MED16: variants seen among roughly 807,000 people sequenced by gnomAD.
MED16 encodes the protein mediator complex subunit 16, also known as mediator of RNA polymerase II transcription subunit 16.
MED16 carries 81 observed loss-of-function variants against 84.4 expected under a neutral mutation model. That is an observed-to-expected ratio of 0.96 (90% CI 0.80 to 1.15). The LOEUF is 1.15. MED16 is among the 50% of genes most tolerant of loss of function. The pLI, the probability that MED16 is intolerant of heterozygous loss-of-function variation, is 0.00. For missense variants in MED16, 1,585 were observed against 1,245.9 expected (o/e 1.27, Z -4.10); for synonymous variants, 897 against 552.2 (o/e 1.62, Z -8.76).
intron 8 of MED16, among the ~76,000 whole-genome samples, chr19:878,063 C>A (rs1270359421): frequency 6.6e-5 from 9 of 135,486 alleles, no homozygotes; most frequent in African/African-American, 2.2e-4. Context: ...GCTCGCCTTC[C>A]CCTGGCTGTC....
intron 1 of MED16, among the ~76,000 whole-genome samples, chr19:892,177 A>T (rs952912218): frequency 6.6e-6 from 1 of 152,046 alleles, no homozygotes; most frequent in Admixed American, 6.6e-5. Flanking sequence ...GGGAGCCTGG[A>T]ATCACCCGCA....
chr19:886,245 G>T (rs1378254756), intron 4 of MED16, 44 bp from the exon 5 acceptor site: 1 of 1,459,358 alleles, frequency 6.9e-7, no homozygotes, highest in Middle Eastern at 1.9e-4. Context: ...TCAGGCTCAT[G>T]GGGGCTGCCC....
At chr19:884,064 T>C (rs1568330414) in intron 6 of MED16, among the ~76,000 whole-genome samples, 1 of 152,120 alleles carries the variant, frequency 6.6e-6, no homozygotes, top group East Asian at 1.9e-4. Flanking sequence ...TGACACGTGC[T>C]CATTAGTGGC....
At chr19:890,036 C>G (rs2036602145) in intron 3 of MED16, 101 bp downstream of exon 3, 2 of 948,292 alleles carry the variant, frequency 2.1e-6, no homozygotes, top group African/African-American at 1.6e-5. Context: ...ACCAGGGGCT[C>G]TAGACCCAGC....
chr19:869,143 C>T (rs1714923265), intron 13 of MED16, among the ~76,000 whole-genome samples, 197 bp from the exon 14 acceptor site: 1 of 151,940 alleles, frequency 6.6e-6, no homozygotes, highest in African/African-American at 2.4e-5. Context: ...GGCGGGACCC[C>T]CCACACGGAG....
intron 6 of MED16, among the ~76,000 whole-genome samples, chr19:883,179 T>C (rs1003622645): frequency 1.3e-5 from 2 of 152,056 alleles, no homozygotes; most frequent in East Asian, 1.9e-4. Flanking sequence ...GCTAAGCTGC[T>C]AAGTGGGGAT....
At chr19:881,118 T>C (rs1345024355) in intron 7 of MED16, among the ~76,000 whole-genome samples, 1 of 151,588 alleles carries the variant, frequency 6.6e-6, no homozygotes, top group Non-Finnish European at 1.5e-5. Flanking sequence ...GGGCCTGAGC[T>C]AGGGCCGACT....
intron 14 of MED16, 130 bp from the exon 15 acceptor site, chr19:868,629 T>C: frequency 7.8e-7 from 1 of 1,279,394 alleles, no homozygotes; most frequent in Non-Finnish European, 1.1e-6. Flanking sequence ...CGTCCCCACC[T>C]GCCACAGGGC....
intron 13 of MED16, among the ~76,000 whole-genome samples, chr19:869,807 G>C (rs1316571156): frequency 6.6e-6 from 1 of 152,212 alleles, no homozygotes; most frequent in Non-Finnish European, 1.5e-5. Flanking sequence ...CAGAGGGTTT[G>C]CATGTGCTCC....
chr19:873,269 G>A (rs1314436504), intron 11 of MED16, among the ~76,000 whole-genome samples, 180 bp downstream of exon 11: 2 of 121,616 alleles, frequency 1.6e-5, no homozygotes, highest in Non-Finnish European at 3.3e-5. Context: ...CAGGGGCGGG[G>A]CTGAGGTGGG....
chr19:873,435 A>T lies in MED16; in HGVS notation c.1905+14T>A. ...CAGGTGGGGGGCGGGGCCTTAGGGG[A>T]GAGCATGGCGCACCTGGTTGGGTAG... On this transcript the variant is annotated intron_variant, in intron 11 of 15. Transcript: ENST00000325464. 6.2e-7 allele frequency: 1 copy of T among 1,604,164 alleles called. No homozygotes were observed. Among genetic ancestry groups the T allele is most frequent in the Non-Finnish European group, 8.5e-7 (1 of 1,179,160 alleles).
At chr19:878,779 G>A (rs2036334547) in intron 8 of MED16, among the ~76,000 whole-genome samples, 5 of 134,620 alleles carry the variant, frequency 3.7e-5, no homozygotes, top group Non-Finnish European at 6.1e-5. Flanking sequence ...TCCCCTGGTT[G>A]TCAATGCCCA....
intron 13 of MED16, among the ~76,000 whole-genome samples, chr19:870,283 C>T (rs1266348553): frequency 6.6e-6 from 1 of 152,090 alleles, no homozygotes; most frequent in Admixed American, 6.5e-5. Context: ...AAGGCAAGGC[C>T]GGGGCGGTGG....
chr19:880,170 T>A, intron 7 of MED16, 22 bp from the exon 8 acceptor site: 1 of 1,597,722 alleles, frequency 6.3e-7, no homozygotes, highest in South Asian at 1.1e-5. Context: ...AGGCACTGCT[T>A]AGACATGGGC....
Position 889,697 on chromosome 19 carries a change from G to C in MED16, c.388C>G (p.Pro130Ala). The C allele has an allele frequency of 6.2e-7, 1 of 1,613,856 alleles. No homozygotes were observed. Among genetic ancestry groups the C allele is most frequent in the Non-Finnish European group, 8.5e-7 (1 of 1,179,980 alleles). ...TGCAGCCAGGACAGGGCCACAATGG[G>C]GTCCCCCTCCACTAGGCTGCCCACT... Reference protein sequence around the residue: ...SSVGSLVEGDPIVALSWLHNG... With the variant: ...SSVGSLVEGDAIVALSWLHNG... Residue 130 changes from proline to alanine, a missense_variant, in exon 4 of 16, where the codon CCC becomes GCC. Coordinates refer to ENST00000325464, the MANE Select transcript of MED16 (RefSeq NM_005481.3).
intron 6 of MED16, among the ~76,000 whole-genome samples, chr19:883,967 G>T (rs1056205635): frequency 7.2e-5 from 11 of 152,172 alleles, no homozygotes; most frequent in African/African-American, 2.7e-4. Flanking sequence ...AGGAATGGCA[G>T]TGGCCCTCTT....
intron 4 of MED16, among the ~76,000 whole-genome samples, chr19:888,704 C>T (rs1290241762): frequency 3.3e-5 from 5 of 152,086 alleles, no homozygotes; most frequent in African/African-American, 4.8e-5. Context: ...TACAGACAAA[C>T]GGGGACCGCA....
intron 9 of MED16, 83 bp downstream of exon 9, chr19:876,891 C>CACGGGGCCCCACCTGCA (rs2036248818): frequency 7.2e-7 from 1 of 1,396,406 alleles, no homozygotes; most frequent in Non-Finnish European, 9.5e-7. Context: ...CCCCACCTGC[C>CACGGGGCCCCACCTGCA]ACGGGGCCCC....
intron 2 of MED16, 41 bp from the exon 3 acceptor site, chr19:890,285 G>T: frequency 1.5e-6 from 2 of 1,356,796 alleles, no homozygotes; most frequent in Non-Finnish European, 1.0e-6. Context: ...TGGCACCACA[G>T]CCTGCAGACG....
Sources: gnomAD v4.1 joint callset for allele counts (sites outside exome capture counted in the v4.1 genomes callset) on GRCh38, gnomAD v4.1.1 for gene constraint, MANE v1.5 for transcripts, NCBI Gene and HGNC (gene_info 2026-07-23, HGNC 2026-07-21) for gene names.